The following CTNNA2 variants were observed in gnomAD, a reference collection of about 807,000 sequenced individuals.
The protein encoded by CTNNA2 is catenin alpha 2.
CTNNA2 carries 42 observed loss-of-function variants against 101.0 expected under a neutral mutation model. The ratio of observed to expected loss-of-function variants is 0.42; its 90% CI spans 0.32 to 0.54. CTNNA2 has a LOEUF of 0.54. Among genes scored for constraint, CTNNA2 ranks in the 20% least tolerant of loss-of-function variants. The pLI is 0.14. For synonymous variants in CTNNA2, 450 were observed against 456.4 expected (o/e 0.99, Z 0.18); for missense variants, 871 against 1,223.1 (o/e 0.71, Z 4.29).
At chr2:80,535,137 T>G (rs1690895926) in intron 9 of CTNNA2, among the ~76,000 whole-genome samples, 1 of 152,172 alleles carries the variant, frequency 6.6e-6, no homozygotes. Flanking sequence ...AGAGCTCCCT[T>G]CGGTTTTTAT....
intron 4 of CTNNA2, among the ~76,000 whole-genome samples, chr2:79,411,044 G>A (rs1678403810): frequency 6.6e-6 from 1 of 151,988 alleles, no homozygotes; most frequent in African/African-American, 2.4e-5. Context: ...TGTACGTGTT[G>A]AGGAATTTAT....
At chr2:79,566,385 A>G (rs995011403) in intron 1 of CTNNA2, among the ~76,000 whole-genome samples, 2 of 152,226 alleles carry the variant, frequency 1.3e-5, no homozygotes, top group Non-Finnish European at 1.5e-5. Flanking sequence ...ATCCAAATGC[A>G]TGATTTATAA....
chr2:79,703,086 AAC>A lies in CTNNA2; in HGVS notation c.103-41297_103-41296del, dbSNP rs994966271. 6.1e-4 allele frequency among the ~76,000 whole-genome samples: 93 copies of A among 152,330 alleles called. 1 individual carries two copies. The highest frequency in any genetic ancestry group is 6.3e-4 in the Non-Finnish European group (43 of 68,040). On this transcript the variant is annotated intron_variant, in intron 2 of 18. Coordinates refer to ENST00000402739, the MANE Select transcript of CTNNA2 (RefSeq NM_001282597.3). ...TTGTGTCCAGACATCTAAAATCTGA[AAC>A]ACAGAAGAGAAATCTGGAGAGCTTG...
At chr2:79,660,373 A>G (rs1482743319) in intron 2 of CTNNA2, among the ~76,000 whole-genome samples, 2 of 151,188 alleles carry the variant, frequency 1.3e-5, no homozygotes, top group African/African-American at 4.8e-5. Context: ...ATACATACAC[A>G]TATATAGTAT....
intron 2 of CTNNA2, among the ~76,000 whole-genome samples, chr2:79,296,794 G>A (rs773645959): frequency 6.0e-4 from 91 of 151,984 alleles, no homozygotes; most frequent in Admixed American, 9.8e-4. Context: ...TCTCTGCTTG[G>A]GGAAGCTTGC....
chr2:80,645,528 A>T (rs1673981711), intron 18 of CTNNA2, among the ~76,000 whole-genome samples: 1 of 152,016 alleles, frequency 6.6e-6, no homozygotes, highest in Admixed American at 6.6e-5. Flanking sequence ...CAAGTATCAG[A>T]ACCTCCTGGA....
chr2:80,056,983 A>G (rs1211149144), intron 7 of CTNNA2, among the ~76,000 whole-genome samples: 1 of 152,230 alleles, frequency 6.6e-6, no homozygotes, highest in Non-Finnish European at 1.5e-5. Context: ...GGTTAGTTGT[A>G]TGAGAATTTG....
chr2:79,439,537 A>C (rs139324102), intron 4 of CTNNA2, among the ~76,000 whole-genome samples: 69 of 152,248 alleles, frequency 4.5e-4, no homozygotes, highest in African/African-American at 1.5e-3. Flanking sequence ...AAACCAATGA[A>C]TCGTACGCTT....
chr2:79,471,039 TG>T (rs1474182039), intron 4 of CTNNA2, among the ~76,000 whole-genome samples: 1 of 152,190 alleles, frequency 6.6e-6, no homozygotes, highest in Non-Finnish European at 1.5e-5. Flanking sequence ...ATTGAAGGTT[TG>T]TAACAATTCA....
At chr2:79,565,972 G>C (rs754686139) in intron 1 of CTNNA2, among the ~76,000 whole-genome samples, 1 of 152,104 alleles carries the variant, frequency 6.6e-6, no homozygotes, top group Non-Finnish European at 1.5e-5. Flanking sequence ...AGAATAAGCA[G>C]ATGAAACAGC....
At chr2:80,508,905 G>T (rs1323045390) in intron 9 of CTNNA2, among the ~76,000 whole-genome samples, 3 of 152,140 alleles carry the variant, frequency 2.0e-5, no homozygotes, top group Non-Finnish European at 4.4e-5. Context: ...ATGTACATGG[G>T]TGACACATCC....
intron 4 of CTNNA2, among the ~76,000 whole-genome samples, chr2:79,384,348 T>C (rs918812289): frequency 1.4e-5 from 2 of 145,804 alleles, no homozygotes; most frequent in African/African-American, 5.0e-5. Flanking sequence ...TTACATATAC[T>C]TTCCCTGGTA....
intron 7 of CTNNA2, among the ~76,000 whole-genome samples, chr2:79,963,204 T>C (rs373383421): frequency 1.3e-5 from 2 of 152,082 alleles, no homozygotes; most frequent in East Asian, 3.9e-4. Flanking sequence ...TGCCCTGAAG[T>C]CTCACATTAC....
At chr2:79,540,414 A>G (rs905134403) in intron 1 of CTNNA2, among the ~76,000 whole-genome samples, 1 of 152,240 alleles carries the variant, frequency 6.6e-6, no homozygotes, top group Non-Finnish European at 1.5e-5. Context: ...GGCACCGAGT[A>G]AGTGCAACAT....
chr2:80,272,634 T>G (rs1463406979), intron 7 of CTNNA2, among the ~76,000 whole-genome samples: 1 of 152,180 alleles, frequency 6.6e-6, no homozygotes, highest in East Asian at 1.9e-4. Flanking sequence ...AACAACTCCA[T>G]ATATTTTCAC....
rs747405266 is a variant in CTNNA2, at chr2:79,927,174, G to A, written c.1056+17377G>A. Among the ~76,000 whole-genome samples, 12 of 152,204 alleles carry A rather than the reference G, an allele frequency of 7.9e-5. No individual in the cohort carries two copies. In the South Asian group the frequency reaches 1.0e-3, roughly 13 times the overall value. ...GTTTGCAAAGGAAAGTTGAGATTAAGTTGCAGAGGGATAGGATTCTAAATT... is the reference window on the plus strand; with the variant it reads ...GTTTGCAAAGGAAAGTTGAGATTAAATTGCAGAGGGATAGGATTCTAAATT... On this transcript the variant is annotated intron_variant, in intron 7 of 18. Transcript: ENST00000402739.
In CTNNA2 at chr2:79,529,810, A is replaced by T. The variant is rs575134781; in HGVS notation, c.-6+16603A>T. Among the ~76,000 whole-genome samples, 15 of 152,042 alleles carry T rather than the reference A, an allele frequency of 9.9e-5. 1 individual carries two copies. The South Asian group carries it at 3.1e-3, about 32-fold the overall frequency. ...GTAAGATCAAATCTTGCATCTGTTTACTGCTTCCAGCCATGAGGTCTCTGG... is the reference window on the plus strand; with the variant it reads ...GTAAGATCAAATCTTGCATCTGTTTTCTGCTTCCAGCCATGAGGTCTCTGG... On this transcript the variant is annotated intron_variant, in intron 1 of 18. Transcript: ENST00000402739.
chr2:80,403,735 T>G (rs1426054836), intron 8 of CTNNA2, among the ~76,000 whole-genome samples: 1 of 152,202 alleles, frequency 6.6e-6, no homozygotes, highest in Non-Finnish European at 1.5e-5. Flanking sequence ...TGATATTGGC[T>G]GTGGGTTTGT....
chr2:80,457,704 C>G (rs1460871374), intron 9 of CTNNA2, among the ~76,000 whole-genome samples: 2 of 152,126 alleles, frequency 1.3e-5, no homozygotes, highest in East Asian at 3.9e-4. Context: ...GTTCACATTT[C>G]TCTTCATTCT....
Sources: allele counts gnomAD v4.1 joint callset (sites outside exome capture counted in the v4.1 genomes callset), GRCh38; gene constraint gnomAD v4.1.1; transcripts MANE v1.5; gene names NCBI Gene and HGNC (gene_info 2026-07-23, HGNC 2026-07-21).